Variants in AHCYL2 observed in about 807,000 individuals in gnomAD.
AHCYL2 encodes the protein S-adenosylhomocysteine hydrolase-like protein 2.
Under a neutral mutation model 81.4 loss-of-function variants are expected in AHCYL2, and 28 were observed. That is an observed-to-expected ratio of 0.34 (90% CI 0.25 to 0.47). The LOEUF (loss-of-function observed/expected upper bound fraction) is 0.47, where lower values mean the gene tolerates loss of function less well. Among genes scored for constraint, AHCYL2 ranks in the 20% least tolerant of loss-of-function variants. AHCYL2 has a pLI of 1.00. For missense variants in AHCYL2, 551 were observed against 785.1 expected (o/e 0.70, Z 3.56); for synonymous variants, 272 against 290.2 (o/e 0.94, Z 0.64).
At chr7:129,259,828 G>C (rs1206182595) in intron 1 of AHCYL2, among the ~76,000 whole-genome samples, 1 of 152,186 alleles carries the variant, frequency 6.6e-6, no homozygotes, top group Non-Finnish European at 1.5e-5. Flanking sequence ...TGTAATTCCA[G>C]TGCTTTGGGA....
intron 1 of AHCYL2, among the ~76,000 whole-genome samples, chr7:129,348,859 C>G (rs1339042782): frequency 6.6e-6 from 1 of 152,130 alleles, no homozygotes; most frequent in East Asian, 1.9e-4. Flanking sequence ...TCCAGACTTT[C>G]CAGATTCTAG....
In AHCYL2 at chr7:129,225,546, G is replaced by T. The variant is rs910903945; in HGVS notation, c.363+107G>T. 6.3e-5 allele frequency: 88 copies of T among 1,390,394 alleles called. No individual in the cohort carries two copies. In the Middle Eastern group the frequency reaches 9.5e-4, roughly 15 times the overall value. The allele number at this position is 1,390,394 out of a possible 1,614,324, so 86.1% of individuals were successfully genotyped here. A position where few individuals can be genotyped will look rare whatever the true frequency, so the allele number is the denominator to read the frequency against. On this transcript the variant is annotated intron_variant, in intron 1 of 16. Transcript: ENST00000325006. Reference sequence around the variant, plus strand: ...TCCACGCCCTCCTTTCTGATCGCAGGACCGGAGATACCCCTTGTCCCCTTA... The same window carrying T: ...TCCACGCCCTCCTTTCTGATCGCAGTACCGGAGATACCCCTTGTCCCCTTA...
chr7:129,230,372 G>C (rs1794386102), intron 1 of AHCYL2, among the ~76,000 whole-genome samples: 1 of 150,254 alleles, frequency 6.7e-6, no homozygotes, highest in Non-Finnish European at 1.5e-5. Context: ...ATGAGCCACC[G>C]CGCCCGGCTA....
chr7:129,284,599 CA>C (rs1232402820), intron 1 of AHCYL2, among the ~76,000 whole-genome samples: 251 of 53,350 alleles, frequency 4.7e-3, no homozygotes, highest in South Asian at 8.5e-3. Context: ...GACTTCGTCT[CA>C]AAAAAAAAAA....
At chr7:129,272,021 T>A (rs766880835) in intron 1 of AHCYL2, among the ~76,000 whole-genome samples, 6 of 152,208 alleles carry the variant, frequency 3.9e-5, no homozygotes, top group Admixed American at 6.5e-5. Flanking sequence ...GAGATAACAT[T>A]CTGGGACTTT....
intron 1 of AHCYL2, among the ~76,000 whole-genome samples, chr7:129,294,921 A>G (rs908609389): frequency 4.6e-5 from 7 of 152,202 alleles, no homozygotes; most frequent in African/African-American, 1.4e-4. Flanking sequence ...GGGTGTGTTG[A>G]ATGTGTGTTT....
chr7:129,420,684 C>T (rs1797075111), intron 12 of AHCYL2, among the ~76,000 whole-genome samples: 2 of 151,510 alleles, frequency 1.3e-5, no homozygotes, highest in Admixed American at 6.6e-5. Flanking sequence ...CAAGGTCTCA[C>T]TATGTTGCCC....
At chr7:129,355,376 T>G (rs990623612) in intron 1 of AHCYL2, among the ~76,000 whole-genome samples, 2 of 152,176 alleles carry the variant, frequency 1.3e-5, no homozygotes, top group Admixed American at 6.5e-5. Flanking sequence ...AGTGCTGTTA[T>G]CTCTGGGTTC....
chr7:129,421,249 C>G (rs1797104293), intron 12 of AHCYL2, among the ~76,000 whole-genome samples: 1 of 100,778 alleles, frequency 9.9e-6, no homozygotes, highest in South Asian at 3.1e-4. Flanking sequence ...GAGACTCCAT[C>G]TCAAAAAAAA....
chr7:129,408,404 T>TGACTTCAATTCAGGA (rs1178078140), intron 10 of AHCYL2, among the ~76,000 whole-genome samples: 12 of 152,156 alleles, frequency 7.9e-5, no homozygotes, highest in Admixed American at 7.9e-4. Flanking sequence ...CCAGATTTGG[T>TGACTTCAATTCAGGA]GACAACTTCA....
chr7:129,375,443 A>C (rs955734330), intron 1 of AHCYL2, among the ~76,000 whole-genome samples: 8 of 152,126 alleles, frequency 5.3e-5, no homozygotes, highest in Admixed American at 1.3e-4. Context: ...GAAAAGGAGG[A>C]GGTAAGGTTG....
At chr7:129,392,526 A>C (rs1295062741) in intron 4 of AHCYL2, among the ~76,000 whole-genome samples, 2 of 152,182 alleles carry the variant, frequency 1.3e-5, no homozygotes, top group Non-Finnish European at 2.9e-5. Context: ...TCACTTCCAT[A>C]ATCACCTTTT....
intron 1 of AHCYL2, among the ~76,000 whole-genome samples, chr7:129,282,031 G>A (rs776146492): frequency 6.6e-6 from 1 of 152,162 alleles, no homozygotes; most frequent in Non-Finnish European, 1.5e-5. Context: ...ATATTTGGGA[G>A]TTTTGCAGAT....
intron 1 of AHCYL2, among the ~76,000 whole-genome samples, chr7:129,238,132 A>G (rs572500773): frequency 5.3e-5 from 8 of 152,296 alleles, no homozygotes; most frequent in South Asian, 2.1e-4. Context: ...CAAAGTTGAC[A>G]TTAACTGCGT....
intron 1 of AHCYL2, among the ~76,000 whole-genome samples, chr7:129,340,044 T>A (rs1018634525): frequency 3.4e-5 from 5 of 146,558 alleles, no homozygotes; most frequent in East Asian, 4.3e-4. Context: ...TCAGCCTCCC[T>A]AGCAGCTGGG....
intron 1 of AHCYL2, among the ~76,000 whole-genome samples, chr7:129,342,718 G>C (rs1023389921): frequency 6.6e-6 from 1 of 152,234 alleles, no homozygotes; most frequent in African/African-American, 2.4e-5. Context: ...TTTAAAGTAA[G>C]AGCATTTATT....
At chr7:129,351,450 C>G (rs1341425067) in intron 1 of AHCYL2, 1 of 152,092 alleles carries the variant, frequency 6.6e-6, no homozygotes, top group Non-Finnish European at 1.5e-5. Context: ...TGGAAAACCC[C>G]ACTCTACACT....
chr7:129,425,542 G>A (rs1181333484), intron 15 of AHCYL2, among the ~76,000 whole-genome samples: 1 of 152,162 alleles, frequency 6.6e-6, no homozygotes, highest in Middle Eastern at 3.2e-3. Flanking sequence ...GACGACACAA[G>A]ACTTTCTTAC....
intron 1 of AHCYL2, among the ~76,000 whole-genome samples, chr7:129,304,066 AAAAT>A (rs1563188616): frequency 6.6e-6 from 1 of 150,566 alleles, no homozygotes; most frequent in African/African-American, 2.5e-5. Context: ...AATAAAAAAT[AAAAT>A]AAAAATAAAT....
Sources: allele counts gnomAD v4.1 joint callset (sites outside exome capture counted in the v4.1 genomes callset), GRCh38; gene constraint gnomAD v4.1.1; transcripts MANE v1.5; gene names NCBI Gene and HGNC (gene_info 2026-07-23, HGNC 2026-07-21).